Variants in TMEM266 observed in about 807,000 individuals in gnomAD.
TMEM266 encodes the protein Hv1 related protein 1.
TMEM266 carries 33 observed loss-of-function variants against 50.5 expected under a neutral mutation model. The observed-to-expected ratio is 0.65, with a 90% confidence interval of 0.50 to 0.87. The LOEUF is 0.87. TMEM266 is among the 40% of genes least tolerant of loss of function. The pLI is 0.00. For synonymous variants in TMEM266, 310 were observed against 292.3 expected (o/e 1.06, Z -0.62); for missense variants, 655 against 695.1 (o/e 0.94, Z 0.65).
intron 9 of TMEM266, 57 bp downstream of exon 9, chr15:76,192,214 TCCCTCTCGCGC>T: frequency 2.9e-6 from 4 of 1,372,620 alleles, no homozygotes; most frequent in Non-Finnish European, 3.8e-6. Context: ...CCCCCTCGCC[TCCCTCTCGCGC>T]CCCGGGACTG....
chr15:76,102,869 G>A (rs192062671), intron 1 of TMEM266, among the ~76,000 whole-genome samples: 1 of 149,902 alleles, frequency 6.7e-6, no homozygotes, highest in African/African-American at 2.5e-5. Context: ...AACGGAGTCA[G>A]TGTGGCTAGA....
intron 3 of TMEM266, among the ~76,000 whole-genome samples, chr15:76,144,030 G>T (rs1486210467): frequency 6.6e-6 from 1 of 152,144 alleles, no homozygotes; most frequent in Non-Finnish European, 1.5e-5. Flanking sequence ...GAGGAGAAAT[G>T]TTCTTGTCTG....
chr15:76,174,826 A>G (rs1214923534), intron 7 of TMEM266: 1 of 152,318 alleles, frequency 6.6e-6, no homozygotes, highest in Admixed American at 6.5e-5. Flanking sequence ...TTTGAGGCTC[A>G]TCTGTGTTGT....
At chr15:76,163,059 C>T (rs775441339) in intron 5 of TMEM266, among the ~76,000 whole-genome samples, 11 of 152,326 alleles carry the variant, frequency 7.2e-5, no homozygotes, top group Middle Eastern at 3.4e-3. Context: ...TTAGGACAGT[C>T]CTGGAAGGTG....
chr15:76,077,737 G>A (rs1426998235), intron 1 of TMEM266, among the ~76,000 whole-genome samples: 1 of 152,030 alleles, frequency 6.6e-6, no homozygotes, highest in Non-Finnish European at 1.5e-5. Context: ...AAGAAGAAAG[G>A]AATGGATTCT....
intron 1 of TMEM266, among the ~76,000 whole-genome samples, chr15:76,068,784 A>C (rs961646783): frequency 9.9e-5 from 15 of 152,208 alleles, no homozygotes; most frequent in African/African-American, 3.4e-4. Context: ...TCTGTTGTTT[A>C]AGCCACCCAA....
At chr15:76,095,839 T>A (rs2036913773) in intron 1 of TMEM266, among the ~76,000 whole-genome samples, 2 of 152,070 alleles carry the variant, frequency 1.3e-5, no homozygotes, top group Admixed American at 6.5e-5. Flanking sequence ...TGGTTTAGAC[T>A]TGGGAGGGTG....
At position 76,176,824 on chromosome 15, in the gene TMEM266, A is replaced by C. The variant is rs186510360; in HGVS notation, c.768+1150A>C. Among the ~76,000 whole-genome samples, 15 of 152,248 alleles carry C rather than the reference A, an allele frequency of 9.9e-5. No homozygotes were observed. The East Asian group carries it at 2.9e-3, about 29-fold the overall frequency. On this transcript the variant is annotated intron_variant, in intron 8 of 10. Coordinates refer to ENST00000388942, the MANE Select transcript of TMEM266 (RefSeq NM_152335.3). The stretch of plus-strand genomic sequence containing the variant: ...ATTGCTGGGTGCCCAGGCAGTCTCC[A>C]AGGTGGCCTCAGGGTTGAGGTCTCA...
intron 1 of TMEM266, among the ~76,000 whole-genome samples, chr15:76,115,865 C>T (rs2142015051): frequency 1.3e-5 from 2 of 152,222 alleles, no homozygotes; most frequent in Middle Eastern, 6.8e-3. Flanking sequence ...CCTCTGCCAA[C>T]CAGATGAAGC....
chr15:76,078,303 C>G lies in TMEM266; in HGVS notation c.-97+18287C>G, dbSNP rs57009479. On this transcript the variant is annotated intron_variant, in intron 1 of 10. Transcript: ENST00000388942. Reference sequence around the variant, plus strand: ...AGAGCAGCTTCCAGGTGTTCTGACCCGGGGCCCCGGTAGTGAATATGAGCA... The same window carrying G: ...AGAGCAGCTTCCAGGTGTTCTGACCGGGGGCCCCGGTAGTGAATATGAGCA... Among the ~76,000 whole-genome samples, 733 of 152,066 alleles carry G rather than the reference C, an allele frequency of 4.8e-3. 12 individuals are homozygous for G. Among genetic ancestry groups the G allele is most frequent in the African/African-American group, 0.017 (689 of 41,370 alleles).
chr15:76,137,590 A>T, intron 2 of TMEM266, 117 bp from the exon 3 acceptor site: 2 of 1,061,782 alleles, frequency 1.9e-6, no homozygotes, highest in Non-Finnish European at 2.9e-6. Flanking sequence ...GGGCAACCTT[A>T]AGCTTCCTCA....
chr15:76,188,929 C>G (rs549801877), intron 8 of TMEM266, among the ~76,000 whole-genome samples: 10 of 152,314 alleles, frequency 6.6e-5, no homozygotes, highest in Admixed American at 3.9e-4. Context: ...GTAATCCTAG[C>G]ACTTTGGGAG....
intron 8 of TMEM266, among the ~76,000 whole-genome samples, chr15:76,186,305 CTG>C (rs2038489696): frequency 6.6e-6 from 1 of 152,208 alleles, no homozygotes; most frequent in Admixed American, 6.5e-5. Context: ...CTGGGAAACA[CTG>C]TGGAGGCACA....
At chr15:76,163,266 G>C (rs1165411632) in intron 5 of TMEM266, among the ~76,000 whole-genome samples, 1 of 152,232 alleles carries the variant, frequency 6.6e-6, no homozygotes, top group East Asian at 1.9e-4. Context: ...CTGGCCCCAG[G>C]CCATAGAGCT....
At position 76,203,755 on chromosome 15, in the gene TMEM266, G is replaced by C. The variant is rs1238435717; in HGVS notation, c.1036G>C (p.Glu346Gln). ...CTACCTTGCAGACAGCGGTGTCCCA[G>C]AGCCAGCTGTGTGTATGGTCACCAC... is the stretch of plus-strand genomic sequence containing the variant. The change falls in exon 11 of 11, where the codon GAG becomes CAG. Residue 346 changes from glutamate to glutamine, a missense_variant. Glu to Gln is a conservative substitution (Grantham distance 29). Coordinates refer to ENST00000388942, the MANE Select transcript of TMEM266 (RefSeq NM_152335.3). 6.2e-7 allele frequency: 1 copy of C among 1,613,078 alleles called. No homozygotes were observed. Among genetic ancestry groups the C allele is most frequent in the Non-Finnish European group, 8.5e-7 (1 of 1,179,116 alleles).
At chr15:76,085,575 A>G (rs1209007812) in intron 1 of TMEM266, among the ~76,000 whole-genome samples, 4 of 152,148 alleles carry the variant, frequency 2.6e-5, no homozygotes, top group Non-Finnish European at 5.9e-5. Context: ...TTGCATTTTC[A>G]AAAGACCTCT....
chr15:76,106,501 G>A (rs762066130), intron 1 of TMEM266, among the ~76,000 whole-genome samples: 5 of 152,232 alleles, frequency 3.3e-5, no homozygotes, highest in South Asian at 4.1e-4. Flanking sequence ...GTGCAGTGGC[G>A]CAATCACGGC....
chr15:76,184,144 C>T (rs1446417054), intron 8 of TMEM266, among the ~76,000 whole-genome samples: 2 of 152,230 alleles, frequency 1.3e-5, no homozygotes, highest in African/African-American at 2.4e-5. Flanking sequence ...TTGAGGCTGG[C>T]TCATTCCAGA....
intron 1 of TMEM266, among the ~76,000 whole-genome samples, chr15:76,101,100 C>A (rs1314006155): frequency 6.6e-6 from 1 of 150,858 alleles, no homozygotes; most frequent in Non-Finnish European, 1.5e-5. Context: ...GGCACAGATT[C>A]TTTTTGGATG....
Sources: allele counts gnomAD v4.1 joint callset (sites outside exome capture counted in the v4.1 genomes callset), GRCh38; gene constraint gnomAD v4.1.1; transcripts MANE v1.5; gene names NCBI Gene and HGNC (gene_info 2026-07-23, HGNC 2026-07-21).